Variants in SLC23A2 observed in about 807,000 individuals in gnomAD.
SLC23A2 encodes the protein Na(+)/L-ascorbic acid transporter 2.
In SLC23A2, 36 loss-of-function variants were observed where a neutral mutation model predicts 73.3. The observed-to-expected ratio is 0.49, with a 90% CI of 0.38 to 0.65. The LOEUF (loss-of-function observed/expected upper bound fraction) is 0.65, where lower values mean the gene tolerates loss of function less well. SLC23A2 is among the 30% of genes least tolerant of loss of function. The probability of loss-of-function intolerance (pLI) is 0.00; values close to 1 mark genes in which losing one functional copy is unlikely to be tolerated. For missense variants in SLC23A2, 507 were observed against 841.6 expected (o/e 0.60, Z 4.92); for synonymous variants, 343 against 327.3 (o/e 1.05, Z -0.52).
Position 4,869,929 on chromosome 20 carries a change from G to T in SLC23A2, c.1227C>A (p.Pro409=), listed in dbSNP as rs753268935. 2.4e-5 allele frequency: 38 copies of T among 1,608,932 alleles called. No individual in the cohort carries two copies. Among genetic ancestry groups the T allele is most frequent in the South Asian group, 8.8e-5 (8 of 90,950 alleles). The part of the protein sequence containing the change: ...YACARLSCAP[P]PPIHAINRGI... ...ACCTGTTTATTGCGTGGATGGGGGGGGGTGGGGCACAGGACAGCCGTGCAC... is the reference window on the plus strand; with the variant it reads ...ACCTGTTTATTGCGTGGATGGGGGGTGGTGGGGCACAGGACAGCCGTGCAC... Residue 409 remains proline (P), a synonymous_variant, in exon 12 of 17, where the codon CCC becomes CCA. Transcript: ENST00000338244.
At chr20:4,962,867 T>C (rs1429202141) in intron 2 of SLC23A2, among the ~76,000 whole-genome samples, 1 of 152,020 alleles carries the variant, frequency 6.6e-6, no homozygotes, top group Non-Finnish European at 1.5e-5. Flanking sequence ...TGTGGTGGCA[T>C]GCACCTGTAA....
intron 2 of SLC23A2, among the ~76,000 whole-genome samples, chr20:4,933,014 T>C (rs1219695211): frequency 6.6e-6 from 1 of 152,186 alleles, no homozygotes; most frequent in Non-Finnish European, 1.5e-5. Flanking sequence ...ATGGTTTATA[T>C]CTCATAACCC....
chr20:4,913,800 T>A (rs1264139483), intron 3 of SLC23A2, among the ~76,000 whole-genome samples: 3 of 151,990 alleles, frequency 2.0e-5, no homozygotes, highest in African/African-American at 7.3e-5. Flanking sequence ...CTAATTTTTA[T>A]ATTATTAGTA....
At chr20:4,974,122 T>A (rs887172840) in intron 1 of SLC23A2, among the ~76,000 whole-genome samples, 27 of 152,200 alleles carry the variant, frequency 1.8e-4, no homozygotes, top group Non-Finnish European at 3.7e-4. Context: ...GCCAAATCAT[T>A]CTATCAATTC....
At position 4,932,471 on chromosome 20, in the gene SLC23A2, G is replaced by C. The variant is rs374207277; in HGVS notation, c.92C>G (p.Ala31Gly). The C allele has an allele frequency of 2.5e-6, 4 of 1,584,782 alleles. No individual in the cohort carries two copies. The highest frequency in any genetic ancestry group is 2.7e-5 in the African/African-American group (2 of 74,392). Residue 31 changes from alanine (A) to glycine (G), a missense_variant, in exon 3 of 17, where the codon GCT (alanine) becomes GGT (glycine). Physicochemically the swap from Ala to Gly is moderately conservative, Grantham distance 60. Transcript: ENST00000338244. ...TATGATTACCGGAAGAGTGAAGAAA[G>C]CTGGGTGCTTTGCCTCGTCTTCGTA... The part of the protein sequence containing the change: ...GKYEDEAKHP[A>G]FFTLPVVING...
intron 2 of SLC23A2, among the ~76,000 whole-genome samples, chr20:4,969,430 C>G (rs143482347): frequency 6.6e-6 from 1 of 152,238 alleles, no homozygotes; most frequent in East Asian, 1.9e-4. Flanking sequence ...GAGTGATCCC[C>G]TCTAAGTATT....
In SLC23A2 at chr20:4,932,573, G is replaced by A. The variant is rs572855082; in HGVS notation, c.-11C>T. 47 of 1,434,042 alleles carry A rather than the reference G, an allele frequency of 3.3e-5. No homozygotes were observed. The highest frequency in any genetic ancestry group is 1.8e-4 in the Middle Eastern group (1 of 5,706). The allele number at this position is 1,434,042 out of a possible 1,614,324, so 88.8% of individuals were successfully genotyped here. A position where few individuals can be genotyped will look rare whatever the true frequency, so the allele number is the denominator to read the frequency against. ...ACCAATACCCATCATTAAGAGAAAC[G>A]AGTAGTTTACACAGCCGTTGGGGAG... On this transcript the variant is annotated 5_prime_UTR_variant, in exon 3 of 17. Coordinates refer to ENST00000338244, the MANE Select transcript of SLC23A2 (RefSeq NM_005116.6).
Position 4,899,731 on chromosome 20 carries a change from T to C in SLC23A2, c.325-19A>G. The C allele has an allele frequency of 1.9e-6, 3 of 1,612,958 alleles. No homozygotes were observed. The highest frequency in any genetic ancestry group is 2.5e-6 in the Non-Finnish European group (3 of 1,179,076). ...GGTAGTGCTGTGGGCAGGAAAAGGGTCAGAGGAGAAACAGTAAACCCTTCC... is the reference window on the plus strand; with the variant it reads ...GGTAGTGCTGTGGGCAGGAAAAGGGCCAGAGGAGAAACAGTAAACCCTTCC... On this transcript the variant is annotated intron_variant, in intron 5 of 16. Coordinates refer to ENST00000338244, the MANE Select transcript of SLC23A2 (RefSeq NM_005116.6). The surrounding 1 kb of genome is among the most constrained non-coding windows in gnomAD (Gnocchi z 4.9).
intron 3 of SLC23A2, among the ~76,000 whole-genome samples, chr20:4,915,106 A>G (rs1024607035): frequency 6.6e-6 from 1 of 152,248 alleles, no homozygotes; most frequent in Non-Finnish European, 1.5e-5. Context: ...TTATAAAACA[A>G]TAAGCCTAGA....
intron 2 of SLC23A2, among the ~76,000 whole-genome samples, chr20:4,949,936 T>C (rs943385743): frequency 6.6e-6 from 1 of 152,192 alleles, no homozygotes; most frequent in South Asian, 2.1e-4. Context: ...AACCCTGCGA[T>C]TGTCCTGGTA....
chr20:4,990,721 C>T (rs958867167), intron 1 of SLC23A2, among the ~76,000 whole-genome samples: 1 of 151,150 alleles, frequency 6.6e-6, no homozygotes, highest in African/African-American at 2.4e-5. Flanking sequence ...GTGGCTCACG[C>T]CTGTAATTCC....
chr20:4,859,893 T>A (rs1313598203), intron 15 of SLC23A2, among the ~76,000 whole-genome samples: 1 of 152,196 alleles, frequency 6.6e-6, no homozygotes, highest in Non-Finnish European at 1.5e-5. Context: ...GAATATGACA[T>A]ATTAAATGTA....
intron 1 of SLC23A2, among the ~76,000 whole-genome samples, chr20:4,992,433 G>A (rs1414399250): frequency 2.0e-5 from 3 of 146,810 alleles, no homozygotes; most frequent in Non-Finnish European, 4.5e-5. Flanking sequence ...AAAGAACTAA[G>A]AGAAAACATG....
At chr20:4,922,528 A>T (rs574483472) in intron 3 of SLC23A2, among the ~76,000 whole-genome samples, 4 of 152,178 alleles carry the variant, frequency 2.6e-5, no homozygotes, top group Non-Finnish European at 2.9e-5. Context: ...CTGACCTCAC[A>T]GAAATTAAGA....
chr20:4,990,028 C>A (rs867022615), intron 1 of SLC23A2, among the ~76,000 whole-genome samples: 8 of 152,152 alleles, frequency 5.3e-5, no homozygotes, highest in South Asian at 4.1e-4. Context: ...ATGAAAAAAA[C>A]TTCCATGCAC....
chr20:4,985,712 T>A lies in SLC23A2; in HGVS notation c.-281-14793A>T, dbSNP rs776733706. 3.9e-4 allele frequency among the ~76,000 whole-genome samples: 59 copies of A among 152,166 alleles called. 2 individuals carry two copies. Among genetic ancestry groups the A allele is most frequent in the Non-Finnish European group, 1.6e-4 (11 of 68,016 alleles). ...ATCCCCCCACCTTGGCTTCCCAAAG[T>A]GCTGGGATTACAGGCATGAGCCACT... On this transcript the variant is annotated intron_variant, in intron 1 of 16. Coordinates refer to ENST00000338244, the MANE Select transcript of SLC23A2 (RefSeq NM_005116.6).
chr20:4,977,557 G>C (rs561997801), intron 1 of SLC23A2, among the ~76,000 whole-genome samples: 49 of 151,896 alleles, frequency 3.2e-4, no homozygotes, highest in African/African-American at 9.4e-4. Context: ...AATTAGCTGG[G>C]CATGGTGGCA....
intron 3 of SLC23A2, among the ~76,000 whole-genome samples, chr20:4,915,847 A>G (rs1341270298): frequency 6.6e-6 from 1 of 152,068 alleles, no homozygotes; most frequent in South Asian, 2.1e-4. Flanking sequence ...ACTTGAGAGG[A>G]TGAGGCAGGA....
At chr20:4,859,085 AAAATT>A (rs1929852957) in intron 16 of SLC23A2, among the ~76,000 whole-genome samples, 199 bp downstream of exon 16, 1 of 152,230 alleles carries the variant, frequency 6.6e-6, no homozygotes, top group South Asian at 2.1e-4. Context: ...CACGAGAAAC[AAAATT>A]AATCAGTTTA....
Sources: gnomAD v4.1 joint callset for allele counts (sites outside exome capture counted in the v4.1 genomes callset) on GRCh38, gnomAD v4.1.1 for gene constraint, Gnocchi (gnomAD v3.1) non-coding constraint, MANE v1.5 for transcripts, NCBI Gene and HGNC (gene_info 2026-07-23, HGNC 2026-07-21) for gene names.